The following ALK variants were observed in gnomAD, a reference collection of about 807,000 sequenced individuals.
ALK encodes ALK receptor tyrosine kinase, also known as ALK tyrosine kinase receptor.
ALK carries 74 observed loss-of-function variants against 163.1 expected under a neutral mutation model. The observed-to-expected ratio is 0.45, with a 90% CI of 0.38 to 0.55. ALK has a LOEUF of 0.55. Ranked by LOEUF, ALK falls within the 20% of genes least tolerant of loss-of-function variation. The pLI, the probability that ALK is intolerant of heterozygous loss-of-function variation, is 0.00. For missense variants in ALK, 2,063 were observed against 2,105.3 expected (o/e 0.98, Z 0.39); for synonymous variants, 960 against 843.2 (o/e 1.14, Z -2.40).
intron 27 of ALK, 30 bp downstream of exon 27, chr2:29,197,512 C>G (rs373369966): frequency 6.2e-7 from 1 of 1,611,918 alleles, no homozygotes; most frequent in South Asian, 1.1e-5. Context: ...TGCTTAGTAA[C>G]TAGCAGAAGT....
chr2:29,809,432 A>T (rs770329959), intron 1 of ALK, among the ~76,000 whole-genome samples: 4 of 152,226 alleles, frequency 2.6e-5, no homozygotes, highest in Non-Finnish European at 5.9e-5. Flanking sequence ...TACTGGAACA[A>T]AGGAGGATGT....
chr2:29,375,021 G>A (rs143335546), intron 5 of ALK, among the ~76,000 whole-genome samples: 76 of 152,286 alleles, frequency 5.0e-4, no homozygotes, highest in African/African-American at 1.7e-3. Flanking sequence ...TTGGCAGTGT[G>A]TGGCTCTCAT....
At chr2:29,669,537 T>C (rs981452447) in intron 3 of ALK, among the ~76,000 whole-genome samples, 5 of 152,096 alleles carry the variant, frequency 3.3e-5, no homozygotes, top group Non-Finnish European at 5.9e-5. Flanking sequence ...CTGAATTTTA[T>C]TTCTTTATCC....
chr2:29,198,121 T>C lies in ALK; in HGVS notation c.3939-445A>G, dbSNP rs528876481. Among the ~76,000 whole-genome samples the C allele has an allele frequency of 3.3e-5, 5 of 152,354 alleles. No homozygotes were observed. In the South Asian group the frequency reaches 1.0e-3, roughly 32 times the overall value. On this transcript the variant is annotated intron_variant, in intron 26 of 28. Transcript: ENST00000389048. ...TTTCAAAATATTTAAAATACTATAA[T>C]GAACATCTTTGTGCATTTTTTAAAA...
At chr2:29,220,182 A>G (rs1298319785) in intron 23 of ALK, among the ~76,000 whole-genome samples, 1 of 152,076 alleles carries the variant, frequency 6.6e-6, no homozygotes, top group Admixed American at 6.5e-5. Context: ...GCCTGGTGGG[A>G]GGTGATTGGA....
At chr2:29,250,531 T>TCTTA (rs1490602861) in intron 12 of ALK, among the ~76,000 whole-genome samples, 1 of 152,068 alleles carries the variant, frequency 6.6e-6, no homozygotes, top group Non-Finnish European at 1.5e-5. Context: ...AGCCCTCCAG[T>TCTTA]CTTACCATTA....
chr2:29,365,402 G>A lies in ALK; in HGVS notation c.1282+18330C>T, dbSNP rs137860253. 1.2e-3 allele frequency among the ~76,000 whole-genome samples: 185 copies of A among 152,318 alleles called. 2 individuals are homozygous for A. The highest frequency in any genetic ancestry group is 4.4e-3 in the African/African-American group (182 of 41,570). On this transcript the variant is annotated intron_variant, in intron 5 of 28. Coordinates refer to ENST00000389048, the MANE Select transcript of ALK (RefSeq NM_004304.5). ...ATGGCCATCTCTGGCCCATTCAGAG[G>A]ACAGGTTATGGATCTGGTTGAGCCC...
chr2:29,604,854 A>G (rs1017857402), intron 3 of ALK, among the ~76,000 whole-genome samples: 1 of 152,192 alleles, frequency 6.6e-6, no homozygotes, highest in Non-Finnish European at 1.5e-5. Flanking sequence ...CACCCTGCTC[A>G]AACCAGAGCT....
intron 1 of ALK, among the ~76,000 whole-genome samples, chr2:29,783,669 T>C (rs990588551): frequency 3.9e-5 from 6 of 152,220 alleles, no homozygotes; most frequent in Non-Finnish European, 5.9e-5. Flanking sequence ...GAGGAGTTGG[T>C]TTAGCTGTTT....
At chr2:29,824,353 C>T (rs1425061409) in intron 1 of ALK, among the ~76,000 whole-genome samples, 1 of 152,220 alleles carries the variant, frequency 6.6e-6, no homozygotes, top group African/African-American at 2.4e-5. Flanking sequence ...GGGGCACCAC[C>T]TAGTGGAGCT....
chr2:29,300,433 C>T (rs1057038006), intron 8 of ALK, among the ~76,000 whole-genome samples: 4 of 151,770 alleles, frequency 2.6e-5, no homozygotes, highest in Non-Finnish European at 4.4e-5. Context: ...CCTGTAGTCC[C>T]AGCTACTCAG....
intron 3 of ALK, among the ~76,000 whole-genome samples, chr2:29,656,277 T>A (rs1402387474): frequency 6.6e-6 from 1 of 152,162 alleles, no homozygotes; most frequent in South Asian, 2.1e-4. Flanking sequence ...ATTGGAATGG[T>A]AGAGGGACTG....
chr2:29,401,314 C>A (rs1323125189), intron 4 of ALK, among the ~76,000 whole-genome samples: 1 of 152,122 alleles, frequency 6.6e-6, no homozygotes, highest in African/African-American at 2.4e-5. Context: ...ACTCCACAAC[C>A]CCCTCAGGTA....
intron 9 of ALK, among the ~76,000 whole-genome samples, chr2:29,287,549 T>A (rs1376942724): frequency 6.6e-6 from 1 of 152,114 alleles, no homozygotes; most frequent in Non-Finnish European, 1.5e-5. Flanking sequence ...AAAATCCCAA[T>A]GACTGAAAAT....
At chr2:29,609,371 T>C (rs923070673) in intron 3 of ALK, among the ~76,000 whole-genome samples, 9 of 152,192 alleles carry the variant, frequency 5.9e-5, no homozygotes, top group African/African-American at 1.9e-4. Flanking sequence ...CATTATGTGA[T>C]AGCAAGTCGG....
chr2:29,556,605 T>G (rs1304494751), intron 3 of ALK, among the ~76,000 whole-genome samples: 1 of 152,218 alleles, frequency 6.6e-6, no homozygotes, highest in Non-Finnish European at 1.5e-5. Context: ...TTTCATGAAT[T>G]CACTCTCATT....
chr2:29,545,657 G>A (rs571603510), intron 3 of ALK, among the ~76,000 whole-genome samples: 24 of 152,274 alleles, frequency 1.6e-4, no homozygotes, highest in African/African-American at 5.5e-4. Flanking sequence ...CCTCTGTCTC[G>A]ATGTCAAATA....
chr2:29,360,363 G>C (rs1321465088), intron 5 of ALK, among the ~76,000 whole-genome samples: 1 of 152,102 alleles, frequency 6.6e-6, no homozygotes, highest in Non-Finnish European at 1.5e-5. Flanking sequence ...ATGCACTGCT[G>C]TCCTGCCCTT....
At chr2:29,600,013 C>T (rs1343703456) in intron 3 of ALK, among the ~76,000 whole-genome samples, 8 of 152,110 alleles carry the variant, frequency 5.3e-5, no homozygotes, top group Non-Finnish European at 2.9e-5. Context: ...TTGCTACTCA[C>T]GTGACACAAG....
Sources: allele counts gnomAD v4.1 joint callset (sites outside exome capture counted in the v4.1 genomes callset), GRCh38; gene constraint gnomAD v4.1.1; transcripts MANE v1.5; gene names NCBI Gene and HGNC (gene_info 2026-07-23, HGNC 2026-07-21).